Variants in SHROOM2 observed in about 807,000 individuals in gnomAD.
SHROOM2 encodes the protein protein Shroom2.
SHROOM2 carries 33 observed loss-of-function variants against 75.9 expected under a neutral mutation model. That is an observed-to-expected ratio of 0.43 (90% CI 0.33 to 0.58). The LOEUF (loss-of-function observed/expected upper bound fraction) is 0.58, where lower values mean the gene tolerates loss of function less well. Among genes scored for constraint, SHROOM2 ranks in the 20% least tolerant of loss-of-function variants. The probability of loss-of-function intolerance (pLI) is 0.04; values close to 1 mark genes in which losing one functional copy is unlikely to be tolerated. For missense variants in SHROOM2, 1,434 were observed against 1,461.2 expected (o/e 0.98, Z 0.30); for synonymous variants, 655 against 663.6 (o/e 0.99, Z 0.20).
At chrX:9,903,853 A>G (rs2084377534) in intron 5 of SHROOM2, among the ~76,000 whole-genome samples, 1 of 109,307 alleles carries the variant, frequency 9.1e-6, no homozygotes, top group African/African-American at 3.5e-5. Flanking sequence ...CCTTGTTTTT[A>G]TGCCTTACTT....
At chrX:9,800,229 G>A (rs1332929400) in intron 1 of SHROOM2, among the ~76,000 whole-genome samples, 4 of 111,805 alleles carry the variant, frequency 3.6e-5, no homozygotes, top group Admixed American at 9.5e-5. Context: ...TCCAGTAGTC[G>A]GTGTGCCAAA....
chrX:9,918,425 C>T (rs1460450148), intron 5 of SHROOM2, among the ~76,000 whole-genome samples: 1 of 112,162 alleles, frequency 8.9e-6, no homozygotes, highest in Non-Finnish European at 1.9e-5. Context: ...ACAGATGGCA[C>T]TTTCTACCTG....
At chrX:9,834,687 AAAAG>A (rs746438671) in intron 1 of SHROOM2, among the ~76,000 whole-genome samples, 2 of 110,293 alleles carry the variant, frequency 1.8e-5, no homozygotes, top group African/African-American at 6.6e-5. Flanking sequence ...AAGTAAAAAA[AAAAG>A]AAAAGAAATA....
At position 9,895,348 on chromosome X, in the gene SHROOM2, T is replaced by C. The variant is rs2084321037; in HGVS notation, c.1440T>C (p.Cys480=). 1 of 1,180,433 alleles carries C rather than the reference T, an allele frequency of 8.5e-7. No individual in the cohort carries two copies. Among genetic ancestry groups the C allele is most frequent in the African/African-American group, 1.8e-5 (1 of 56,859 alleles). Residue 480 remains cysteine (C), a synonymous_variant, in exon 4 of 10, where the codon TGT becomes TGC. Transcript: ENST00000380913. ...GCGGCTGGCAGGGTCCCCGGCCCTG[T>C]GTGCAGGGAGACCTGCAAGCAGCAC... ...LGSGWQGPRP[C]VQGDLQAAQL...
chrX:9,812,312 A>T (rs1228180704), intron 1 of SHROOM2, among the ~76,000 whole-genome samples: 13 of 111,662 alleles, frequency 1.2e-4, no homozygotes, highest in Admixed American at 1.1e-3. Context: ...AGCAGCCTGG[A>T]CCTGTTGCAG....
chrX:9,827,003 G>A (rs137981691), intron 1 of SHROOM2, among the ~76,000 whole-genome samples: 10 of 110,234 alleles, frequency 9.1e-5, no homozygotes, highest in African/African-American at 3.3e-4. Context: ...TAAAAGAAGG[G>A]GGATGACTCC....
intron 5 of SHROOM2, among the ~76,000 whole-genome samples, chrX:9,923,804 C>T (rs957602630): frequency 3.6e-5 from 4 of 112,426 alleles, no homozygotes; most frequent in Non-Finnish European, 5.6e-5. Context: ...GCATTAACCC[C>T]TCGAGAAATC....
intron 4 of SHROOM2, 153 bp from the exon 5 acceptor site, chrX:9,898,037 A>C: frequency 4.0e-6 from 2 of 504,269 alleles, no homozygotes; most frequent in Non-Finnish European, 7.2e-6. Flanking sequence ...CCAGAACAGA[A>C]GTGGACGTGG....
intron 5 of SHROOM2, among the ~76,000 whole-genome samples, chrX:9,918,722 T>G (rs1412095687): frequency 1.0e-5 from 1 of 97,564 alleles, no homozygotes; most frequent in Non-Finnish European, 1.9e-5. Flanking sequence ...ACTCCGGGCC[T>G]CAAGCAGTCC....
intron 5 of SHROOM2, among the ~76,000 whole-genome samples, chrX:9,910,097 AT>A (rs2084414268): frequency 1.8e-5 from 2 of 110,418 alleles, no homozygotes; most frequent in African/African-American, 6.6e-5. Context: ...CAACATAGGA[AT>A]TTGGGGGTGG....
chrX:9,844,169 C>T (rs2083993705), intron 1 of SHROOM2, among the ~76,000 whole-genome samples: 1 of 111,516 alleles, frequency 9.0e-6, no homozygotes, highest in African/African-American at 3.3e-5. Flanking sequence ...CTGAGTATGT[C>T]CTGTGGATAT....
rs772017379 is a variant in SHROOM2, at chrX:9,797,931, A to G, written c.165+11221A>G. Among the ~76,000 whole-genome samples, 14 of 112,120 alleles carry G rather than the reference A, an allele frequency of 1.2e-4. No individual in the cohort carries two copies. The South Asian group carries it at 4.5e-3, about 36-fold the overall frequency. ...CAAATGTTGCCTGGGAGGGCTACAC[A>G]TTGTCATCATTAACAGAACTGCCTT... On this transcript the variant is annotated intron_variant, in intron 1 of 9. Transcript: ENST00000380913.
chrX:9,834,151 C>A (rs1434804173), intron 1 of SHROOM2, among the ~76,000 whole-genome samples: 1 of 112,269 alleles, frequency 8.9e-6, no homozygotes, highest in African/African-American at 3.2e-5. Flanking sequence ...ATGCCCCCCA[C>A]AGCAAACGGG....
At chrX:9,852,700 A>T (rs141667638) in intron 1 of SHROOM2, among the ~76,000 whole-genome samples, 2,324 of 112,963 alleles carry the variant, frequency 0.021, 59 homozygotes, top group African/African-American at 0.071. Flanking sequence ...TTTTAAAGAC[A>T]GTCGAATTTG....
chrX:9,944,643 G>C lies in SHROOM2; in HGVS notation c.4314G>C (p.Gln1438His). ...CCTTGCCATCCCGTGCCCAACAGCA[G>C]GAGCTCATCGAGAGCATCAGCCGCA... ...DLDHDLSVKKQELIESISRKL... is the reference protein window; with the variant it reads ...DLDHDLSVKKHELIESISRKL... The change falls in exon 9 of 10, where the codon CAG becomes CAC. Residue 1438 changes from glutamine (Q) to histidine (H), a missense_variant and splice_region_variant. Physicochemically the swap from Gln to His is conservative, Grantham distance 24. Transcript: ENST00000380913. 1 of 1,205,092 alleles carries C rather than the reference G, an allele frequency of 8.3e-7. No individual in the cohort carries two copies. Among genetic ancestry groups the C allele is most frequent in the South Asian group, 1.8e-5 (1 of 56,153 alleles).
At position 9,932,642 on chromosome X, in the gene SHROOM2, G is replaced by T; in HGVS notation, c.3359G>T (p.Ser1120Ile). ...TCCCACAGCCCCTCTGTGTTCAGCA[G>T]TGCCCAGCCCCAGGACACCCCGAAG... ...SLSHSPSVFS[S>I]AQPQDTPKAT... Residue 1120 changes from serine to isoleucine, a missense_variant, in exon 6 of 10, where the codon AGT becomes ATT. Transcript: ENST00000380913. 1 of 1,211,131 alleles carries T rather than the reference G, an allele frequency of 8.3e-7. No homozygotes were observed. Among genetic ancestry groups the T allele is most frequent in the South Asian group, 1.8e-5 (1 of 56,881 alleles).
At chrX:9,928,234 CG>C (rs1044017656) in intron 5 of SHROOM2, among the ~76,000 whole-genome samples, 1 of 112,298 alleles carries the variant, frequency 8.9e-6, no homozygotes, top group African/African-American at 3.2e-5. Flanking sequence ...TGGAGCCTGC[CG>C]GCCCTCTCCC....
intron 1 of SHROOM2, among the ~76,000 whole-genome samples, chrX:9,837,496 T>G (rs1300984691): frequency 8.9e-6 from 1 of 112,090 alleles, no homozygotes; most frequent in Non-Finnish European, 1.9e-5. Context: ...AAACGTGTGG[T>G]GTGCACATGT....
chrX:9,887,941 T>C (rs967753037), intron 2 of SHROOM2, among the ~76,000 whole-genome samples: 3 of 113,366 alleles, frequency 2.6e-5, no homozygotes, highest in African/African-American at 9.6e-5. Context: ...CATGTGGCCA[T>C]TGAGCACTCG....
Sources: gnomAD v4.1 joint callset for allele counts (sites outside exome capture counted in the v4.1 genomes callset) on GRCh38, gnomAD v4.1.1 for gene constraint, MANE v1.5 for transcripts, NCBI Gene and HGNC (gene_info 2026-07-23, HGNC 2026-07-21) for gene names.